SEZ6L: variants seen among roughly 807,000 people sequenced by gnomAD.
SEZ6L encodes the protein seizure related 6 homolog like, also known as seizure 6-like protein.
In SEZ6L, 37 loss-of-function variants were observed where a neutral mutation model predicts 106.2. That is an observed-to-expected ratio of 0.35 (90% CI 0.27 to 0.46). The LOEUF (loss-of-function observed/expected upper bound fraction) is 0.46, where lower values mean the gene tolerates loss of function less well. Ranked by LOEUF, SEZ6L falls within the 20% of genes least tolerant of loss-of-function variation. SEZ6L has a pLI of 1.00. For synonymous variants in SEZ6L, 541 were observed against 570.4 expected (o/e 0.95, Z 0.73); for missense variants, 1,172 against 1,332.8 (o/e 0.88, Z 1.88).
chr22:26,354,954 G>A (rs551017708), intron 12 of SEZ6L, among the ~76,000 whole-genome samples: 11 of 152,368 alleles, frequency 7.2e-5, no homozygotes, highest in South Asian at 4.1e-4. Flanking sequence ...CGTGACAAGC[G>A]GGTGAGGCTG....
chr22:26,219,768 G>A (rs1456417826), intron 1 of SEZ6L, among the ~76,000 whole-genome samples: 1 of 152,190 alleles, frequency 6.6e-6, no homozygotes, highest in African/African-American at 2.4e-5. Flanking sequence ...GTGTCACAGG[G>A]AAGGGAACAA....
chr22:26,325,410 A>G (rs757248413), intron 9 of SEZ6L, among the ~76,000 whole-genome samples: 1 of 152,184 alleles, frequency 6.6e-6, no homozygotes, highest in Non-Finnish European at 1.5e-5. Context: ...CATTATCCCC[A>G]TTTTACAGAC....
At chr22:26,216,657 AAAAAGAAAAAGG>A (rs1034366574) in intron 1 of SEZ6L, among the ~76,000 whole-genome samples, 4 of 134,636 alleles carry the variant, frequency 3.0e-5, no homozygotes, top group East Asian at 2.0e-4. Context: ...CTCCATCTCA[AAAAAGAAAAAGG>A]AAAAGAAAAA....
intron 9 of SEZ6L, among the ~76,000 whole-genome samples, chr22:26,329,645 C>T (rs1350551748): frequency 3.9e-5 from 6 of 152,080 alleles, no homozygotes; most frequent in Non-Finnish European, 5.9e-5. Flanking sequence ...GGCCAAAGGC[C>T]CCTCGACAAT....
chr22:26,290,481 G>A (rs1360289681), intron 1 of SEZ6L, among the ~76,000 whole-genome samples: 3 of 152,134 alleles, frequency 2.0e-5, no homozygotes, highest in Non-Finnish European at 4.4e-5. Context: ...GCAGTGAGCC[G>A]AGATCGCGCC....
At chr22:26,208,489 T>G (rs1039795968) in intron 1 of SEZ6L, among the ~76,000 whole-genome samples, 1 of 152,212 alleles carries the variant, frequency 6.6e-6, no homozygotes, top group Non-Finnish European at 1.5e-5. Flanking sequence ...ATTTTCTCTT[T>G]TAAAACTTTA....
chr22:26,224,400 GA>G, intron 1 of SEZ6L, among the ~76,000 whole-genome samples: 1 of 152,162 alleles, frequency 6.6e-6, no homozygotes, highest in Non-Finnish European at 1.5e-5. Context: ...AAGGGGGAGA[GA>G]AATATGAGCT....
At chr22:26,259,110 G>A (rs1288998229) in intron 1 of SEZ6L, among the ~76,000 whole-genome samples, 1 of 152,172 alleles carries the variant, frequency 6.6e-6, no homozygotes, top group Non-Finnish European at 1.5e-5. Context: ...AACAGAAATG[G>A]GAGATTTTCA....
intron 1 of SEZ6L, chr22:26,292,145 AAAGGAAGG>A (rs71192911): frequency 4.1e-5 from 16 of 386,438 alleles, no homozygotes; most frequent in Middle Eastern, 6.8e-4. Context: ...AGAAAGAAAG[AAAGGAAGG>A]AAGGAAGGAA....
chr22:26,176,736 A>T (rs1939029302), intron 1 of SEZ6L, among the ~76,000 whole-genome samples: 1 of 152,236 alleles, frequency 6.6e-6, no homozygotes, highest in African/African-American at 2.4e-5. Flanking sequence ...TTCATAGCTC[A>T]TTGCAAGCAC....
intron 10 of SEZ6L, among the ~76,000 whole-genome samples, chr22:26,345,007 G>T: frequency 6.6e-6 from 1 of 152,104 alleles, no homozygotes; most frequent in Non-Finnish European, 1.5e-5. Context: ...CCATTCCAGA[G>T]CCTCCACTTA....
intron 5 of SEZ6L, among the ~76,000 whole-genome samples, chr22:26,304,086 G>T (rs1460089593): frequency 1.3e-5 from 2 of 152,112 alleles, no homozygotes; most frequent in African/African-American, 4.8e-5. Flanking sequence ...GAGTGCTGTG[G>T]CTGATGCCTC....
At chr22:26,379,530 G>T (rs1290657765) in intron 16 of SEZ6L, among the ~76,000 whole-genome samples, 2 of 152,244 alleles carry the variant, frequency 1.3e-5, no homozygotes, top group African/African-American at 2.4e-5. Context: ...TTTCATTAAA[G>T]CATGTGACAG....
chr22:26,344,675 C>T (rs915659154), intron 10 of SEZ6L, among the ~76,000 whole-genome samples: 1 of 152,180 alleles, frequency 6.6e-6, no homozygotes, highest in South Asian at 2.1e-4. Context: ...ACTTCAGATC[C>T]CTACATTTCT....
intron 1 of SEZ6L, among the ~76,000 whole-genome samples, chr22:26,208,850 CTGTGTGTGTGTGTGTG>C (rs35483380): frequency 0.012 from 1,308 of 111,796 alleles, 17 homozygotes; most frequent in African/African-American, 0.026. Flanking sequence ...GACTCTCTCT[CTGTGTGTGTGTGTGTG>C]TGTGTGTGTG....
At position 26,284,604 on chromosome 22, in the gene SEZ6L, CAAAAAAAAA is replaced by C. The variant is rs137198; in HGVS notation, c.95-7782_95-7774del. On this transcript the variant is annotated intron_variant, in intron 1 of 16. Coordinates refer to ENST00000248933, the MANE Select transcript of SEZ6L (RefSeq NM_021115.5). Reference sequence around the variant, plus strand: ...CAGCCTTGATGACAGATCAGGACTCCAAAAAAAAAAAAAAAAAAAAAAAAAAAACCCTAA... The same window carrying C: ...CAGCCTTGATGACAGATCAGGACTCCAAAAAAAAAAAAAAAAAAACCCTAA... 4.0e-3 allele frequency among the ~76,000 whole-genome samples: 257 copies of C among 64,020 alleles called. 1 individual carries two copies. Among genetic ancestry groups the C allele is most frequent in the African/African-American group, 8.2e-3 (182 of 22,164 alleles). 42.0% of individuals were successfully genotyped at this position (64,020 alleles called of 152,430 possible). A position where few individuals can be genotyped will look rare whatever the true frequency, so the allele number is the denominator to read the frequency against.
At chr22:26,245,430 T>C (rs1237530449) in intron 1 of SEZ6L, among the ~76,000 whole-genome samples, 1 of 152,056 alleles carries the variant, frequency 6.6e-6, no homozygotes, top group African/African-American at 2.4e-5. Flanking sequence ...GCAGGCTCCT[T>C]CTCCCTCCTC....
At chr22:26,304,412 G>GAAAGAAAT (rs1556332328) in intron 5 of SEZ6L, among the ~76,000 whole-genome samples, 5 of 141,652 alleles carry the variant, frequency 3.5e-5, no homozygotes, top group African/African-American at 1.3e-4. Context: ...AAGAAAGAAA[G>GAAAGAAAT]AAAGAAAGAA....
intron 3 of SEZ6L, among the ~76,000 whole-genome samples, chr22:26,296,460 C>A (rs2081302841): frequency 6.6e-6 from 1 of 152,230 alleles, no homozygotes; most frequent in African/African-American, 2.4e-5. Context: ...AAATCCCTAA[C>A]CTTGCAGAGT....
Sources: allele counts gnomAD v4.1 joint callset (sites outside exome capture counted in the v4.1 genomes callset), GRCh38; gene constraint gnomAD v4.1.1; transcripts MANE v1.5; gene names NCBI Gene and HGNC (gene_info 2026-07-23, HGNC 2026-07-21).